The following YTHDC1 variants were observed in gnomAD, a reference collection of about 807,000 sequenced individuals.
The protein encoded by YTHDC1 is YTH domain-containing protein 1.
In YTHDC1, 12 loss-of-function variants were observed where a neutral mutation model predicts 107.0. The observed-to-expected ratio is 0.11, with a 90% CI of 0.07 to 0.18. The LOEUF (loss-of-function observed/expected upper bound fraction) is 0.18. Ranked by LOEUF, YTHDC1 falls within the 10% of genes least tolerant of loss-of-function variation. The pLI is 1.00. For synonymous variants in YTHDC1, 280 were observed against 289.5 expected, an observed-to-expected ratio of 0.97 and a Z score of 0.33; for missense variants, 635 against 898.8, an observed-to-expected ratio of 0.71 and a Z score of 3.75.
At chr4:68,325,074 T>C (rs1264155106) in intron 9 of YTHDC1, among the ~76,000 whole-genome samples, 1 of 152,160 alleles carries the variant, frequency 6.6e-6, no homozygotes, top group Non-Finnish European at 1.5e-5. Flanking sequence ...ATAAAACAAA[T>C]AATGCCAAAA....
chr4:68,334,483 T>G (rs1723934932), intron 4 of YTHDC1, among the ~76,000 whole-genome samples: 2 of 152,158 alleles, frequency 1.3e-5, no homozygotes, highest in African/African-American at 4.8e-5. Flanking sequence ...TGGCAGAACC[T>G]AGACTCAAGG....
intron 5 of YTHDC1, 96 bp from the exon 6 acceptor site, chr4:68,332,943 A>C (rs912609700): frequency 1.1e-5 from 12 of 1,074,984 alleles, no homozygotes; most frequent in Non-Finnish European, 1.5e-5. Context: ...CATTCAAGAC[A>C]AATTATTCTT....
At chr4:68,314,694 T>C (rs934341209) in intron 16 of YTHDC1, among the ~76,000 whole-genome samples, 1 of 152,248 alleles carries the variant, frequency 6.6e-6, no homozygotes, top group African/African-American at 2.4e-5. Flanking sequence ...CTGCCAATTA[T>C]GCTAAATGTC....
chr4:68,322,676 T>C lies in YTHDC1; in HGVS notation c.1601+73A>G. ...TTCTTCTTTACCGCAGGACAAACTT[T>C]TGACGAATCATATTCCTCCATCATG... On this transcript the variant is annotated intron_variant, in intron 11 of 16. Coordinates refer to ENST00000344157, the MANE Select transcript of YTHDC1 (RefSeq NM_001031732.4). The surrounding 1 kb of genome is among the most constrained non-coding windows in gnomAD (Gnocchi z 4.8). The C allele has an allele frequency of 1.3e-6, 2 of 1,510,400 alleles. No individual in the cohort carries two copies. Among genetic ancestry groups the C allele is most frequent in the Non-Finnish European group, 1.8e-6 (2 of 1,116,464 alleles). 93.6% of individuals were successfully genotyped at this position (1,510,400 alleles called of 1,614,324 possible).
chr4:68,324,246 T>C (rs749548732), intron 9 of YTHDC1, 23 bp from the exon 10 acceptor site: 34 of 1,590,292 alleles, frequency 2.1e-5, no homozygotes, highest in African/African-American at 2.7e-5. Context: ...TAATATCAAT[T>C]ACATTCTTCT....
At chr4:68,321,136 AATAAAT>A (rs968876825) in intron 11 of YTHDC1, among the ~76,000 whole-genome samples, 1 of 152,198 alleles carries the variant, frequency 6.6e-6, no homozygotes, top group African/African-American at 2.4e-5. Flanking sequence ...ATATTTAGAA[AATAAAT>A]ATATCTTTTT....
intron 1 of YTHDC1, among the ~76,000 whole-genome samples, chr4:68,342,207 G>A (rs1724882902): frequency 6.6e-6 from 1 of 152,156 alleles, no homozygotes; most frequent in Non-Finnish European, 1.5e-5. Flanking sequence ...CCATGTGGCT[G>A]CAGTCAAATG....
In YTHDC1 at chr4:68,349,754, G is replaced by A. The variant is rs753240311; in HGVS notation, c.-1C>T. On this transcript the variant is annotated 5_prime_UTR_variant, in exon 1 of 17. Transcript: ENST00000344157. The stretch of plus-strand genomic sequence containing the variant: ...TCTCCTCCCGACTGTCAGCCGCCAT[G>A]GCTCCCCTTCGGTTTCCGCCGCTGC... 1.9e-6 allele frequency: 3 copies of A among 1,613,374 alleles called. No individual in the cohort carries two copies. The highest frequency in any genetic ancestry group is 2.5e-6 in the Non-Finnish European group (3 of 1,179,820).
intron 7 of YTHDC1, among the ~76,000 whole-genome samples, chr4:68,330,773 C>T (rs1411947259): frequency 1.3e-5 from 2 of 151,956 alleles, no homozygotes; most frequent in Non-Finnish European, 2.9e-5. Context: ...TTTTTTAAAG[C>T]AGTTTTTAAG....
intron 9 of YTHDC1, among the ~76,000 whole-genome samples, chr4:68,326,350 G>A (rs1399758693): frequency 1.3e-5 from 2 of 151,968 alleles, no homozygotes; most frequent in Admixed American, 6.6e-5. Flanking sequence ...GGCAAAACAG[G>A]GCTCAGAATA....
intron 15 of YTHDC1, 84 bp downstream of exon 15, chr4:68,318,435 T>C: frequency 2.2e-6 from 3 of 1,338,114 alleles, no homozygotes; most frequent in Non-Finnish European, 3.1e-6. Flanking sequence ...TGAGTAACTG[T>C]AACAATCATA....
At position 68,318,925 on chromosome 4, in the gene YTHDC1, TA is replaced by T. The variant is rs1451998103; in HGVS notation, c.1685-64del. 1.6e-5 allele frequency: 24 copies of T among 1,528,508 alleles called. No individual in the cohort carries two copies. In the African/African-American group the frequency reaches 3.2e-4, roughly 20 times the overall value. The allele number at this position is 1,528,508 out of a possible 1,614,324, so 94.7% of individuals were successfully genotyped here. A position where few individuals can be genotyped will look rare whatever the true frequency, so the allele number is the denominator to read the frequency against. On this transcript the variant is annotated intron_variant, in intron 12 of 16. Transcript: ENST00000344157. ...TATTTTTCTTTTATGGCATTATAAT[TA>T]AACCTTCCTTACCACTCGTTTCAAT...
At chr4:68,340,235 G>T (rs1724663209) in intron 1 of YTHDC1, among the ~76,000 whole-genome samples, 1 of 152,030 alleles carries the variant, frequency 6.6e-6, no homozygotes, top group Non-Finnish European at 1.5e-5. Flanking sequence ...AAACGATAAG[G>T]TTACATAGGA....
Position 68,313,998 on chromosome 4 carries a change from TAGGC to T in YTHDC1, c.*97_*100del. 8.4e-7 allele frequency: 1 copy of T among 1,197,144 alleles called. No individual in the cohort carries two copies. The allele number at this position is 1,197,144 out of a possible 1,614,324, so 74.2% of individuals were successfully genotyped here. On this transcript the variant is annotated 3_prime_UTR_variant, in exon 17 of 17. Coordinates refer to ENST00000344157, the MANE Select transcript of YTHDC1 (RefSeq NM_001031732.4). ...AAATCCTTCTACACAATGAACTTCA[TAGGC>T]AGACAGCTGAAAATAAATTTACTAC...
chr4:68,337,181 CTCCTCCTCCTCTTCCTCCTCCTCCTCT>C lies in YTHDC1; in HGVS notation c.702_728del (p.Glu241_Glu249del), dbSNP rs1273847699. 1 of 1,606,330 alleles carries C rather than the reference CTCCTCCTCCTCTTCCTCCTCCTCCTCT, an allele frequency of 6.2e-7. No homozygotes were observed. The highest frequency in any genetic ancestry group is 1.3e-5 in the African/African-American group (1 of 74,628). ...GTTCATATTCTTCTTCTTCCTCCTC[CTCCTCCTCCTCTTCCTCCTCCTCCTCT>C]TCCTCCTCCTCCTCTCCATCTTCAT... On this transcript the variant is annotated inframe_deletion, in exon 4 of 17. Transcript: ENST00000344157.
At chr4:68,339,503 A>G (rs1724583092) in intron 1 of YTHDC1, among the ~76,000 whole-genome samples, 2 of 152,206 alleles carry the variant, frequency 1.3e-5, no homozygotes, top group South Asian at 4.1e-4. Flanking sequence ...TACTATGGTT[A>G]AGTCAAAGTC....
intron 16 of YTHDC1, chr4:68,316,045 T>TA: frequency 7.2e-6 from 2 of 277,134 alleles, no homozygotes; most frequent in East Asian, 1.3e-4. Context: ...GGAAAGAACA[T>TA]AGCCTAGGTA....
Position 68,322,908 on chromosome 4 carries a change from T to G in YTHDC1, c.1442A>C (p.Glu481Ala). Residue 481 changes from glutamate to alanine, a missense_variant, in exon 11 of 17, where the codon GAA becomes GCA. Around this residue, in one of 5 missense-constraint regions of YTHDC1, gnomAD observed 256 missense variants for 372.9 expected, o/e 0.69. Transcript: ENST00000344157. This position sits in a 1 kb window ranked among gnomAD's most constrained non-coding sequence, Gnocchi z 4.8. The stretch of plus-strand genomic sequence containing the variant: ...ACAAAGCTGGGTTCCACATTCAAGT[T>G]CAATTTCCTAGAATAGGAAAGTAGC... ...VKIGRDGQEI[E>A]LECGTQLCLL... 1 of 1,613,462 alleles carries G rather than the reference T, an allele frequency of 6.2e-7. No homozygotes were observed. Among genetic ancestry groups the G allele is most frequent in the Non-Finnish European group, 8.5e-7 (1 of 1,179,484 alleles).
At position 68,311,057 on chromosome 4, in the gene YTHDC1, C is replaced by A. The variant is rs544549210; in HGVS notation, c.*3042G>T. ...GGAGACTGTCCTTCCTGATGTAATC[C>A]TCACAGAGGTGACCATAACATGTGC... On this transcript the variant is annotated 3_prime_UTR_variant, in exon 17 of 17. Transcript: ENST00000344157. The A allele has an allele frequency of 1.4e-4, 21 of 152,250 alleles. No individual in the cohort carries two copies. The highest frequency in any genetic ancestry group is 4.8e-4 in the African/African-American group (20 of 41,552). The allele number at this position is 152,250 out of a possible 1,614,324, so 9.4% of individuals were successfully genotyped here. A position where few individuals can be genotyped will look rare whatever the true frequency, so the allele number is the denominator to read the frequency against.
Sources: allele counts gnomAD v4.1 joint callset (sites outside exome capture counted in the v4.1 genomes callset), GRCh38; gene constraint gnomAD v4.1.1; regional missense constraint gnomAD v4.1.1; non-coding constraint Gnocchi (gnomAD v3.1); transcripts MANE v1.5; gene names NCBI Gene and HGNC (gene_info 2026-07-23, HGNC 2026-07-21).